The following SOX6 variants were observed in gnomAD, a reference collection of about 807,000 sequenced individuals.
The protein encoded by SOX6 is transcription factor SOX-6.
In SOX6, 11 loss-of-function variants were observed where a neutral mutation model predicts 97.8. That is an observed-to-expected ratio of 0.11 (90% CI 0.07 to 0.19). The LOEUF is 0.19. Among genes scored for constraint, SOX6 ranks in the 10% least tolerant of loss-of-function variants. The pLI is 1.00. For missense variants in SOX6, 810 were observed against 1,039.5 expected, an observed-to-expected ratio of 0.78 and a Z score of 3.04; for synonymous variants, 360 against 371.4, an observed-to-expected ratio of 0.97 and a Z score of 0.35.
intron 9 of SOX6, among the ~76,000 whole-genome samples, chr11:16,072,016 A>T (rs775010822): frequency 1.8e-4 from 28 of 152,178 alleles, no homozygotes; most frequent in Non-Finnish European, 3.5e-4. Context: ...CTGGCAACTC[A>T]AAAAGCCAGA....
intron 3 of SOX6, among the ~76,000 whole-genome samples, chr11:16,671,767 A>G (rs1335695594): frequency 6.6e-6 from 1 of 152,258 alleles, no homozygotes; most frequent in Non-Finnish European, 1.5e-5. Flanking sequence ...CTGGCTAGAG[A>G]GGCCAACAGT....
chr11:16,273,427 T>C (rs947889551), intron 3 of SOX6, among the ~76,000 whole-genome samples: 2 of 151,882 alleles, frequency 1.3e-5, no homozygotes, highest in Admixed American at 6.6e-5. Flanking sequence ...ATACAATAAA[T>C]CTGGTCAATG....
chr11:16,011,744 G>A (rs527762074), intron 13 of SOX6, among the ~76,000 whole-genome samples: 1 of 152,172 alleles, frequency 6.6e-6, no homozygotes, highest in Non-Finnish European at 1.5e-5. Context: ...AGGAGGATGG[G>A]TAGACATGGG....
chr11:16,393,605 T>C (rs942616537), intron 1 of SOX6, among the ~76,000 whole-genome samples: 1 of 152,046 alleles, frequency 6.6e-6, no homozygotes, highest in Non-Finnish European at 1.5e-5. Flanking sequence ...TTACTAAAAA[T>C]TATGCTATTT....
chr11:16,706,497 T>A (rs866350160), intron 3 of SOX6, among the ~76,000 whole-genome samples: 6,809 of 26,074 alleles, frequency 0.26, 2,501 homozygotes, highest in Non-Finnish European at 0.42. Context: ...TATATATATA[T>A]ATATATATAT....
chr11:16,687,991 G>A (rs1005938890), intron 3 of SOX6, among the ~76,000 whole-genome samples: 2 of 148,834 alleles, frequency 1.3e-5, no homozygotes, highest in African/African-American at 5.0e-5. Flanking sequence ...AATTTTTTTT[G>A]ACACAGGGTC....
At chr11:16,698,408 C>T (rs1279551624) in intron 3 of SOX6, among the ~76,000 whole-genome samples, 1 of 152,206 alleles carries the variant, frequency 6.6e-6, no homozygotes, top group East Asian at 1.9e-4. Flanking sequence ...CTGGATTAGG[C>T]TTTGACTTAA....
At chr11:16,406,063 G>A (rs1251850059) in intron 1 of SOX6, among the ~76,000 whole-genome samples, 1 of 151,936 alleles carries the variant, frequency 6.6e-6, no homozygotes, top group African/African-American at 2.4e-5. Context: ...GCCCCATAAG[G>A]CTACTACTAT....
intron 1 of SOX6, among the ~76,000 whole-genome samples, chr11:16,401,482 T>C (rs566947209): frequency 6.6e-6 from 1 of 151,722 alleles, no homozygotes; most frequent in South Asian, 2.1e-4. Context: ...AAGTTAGACA[T>C]GTTTTTTTAT....
chr11:16,040,597 C>T (rs1397749896), intron 12 of SOX6, among the ~76,000 whole-genome samples: 2 of 151,978 alleles, frequency 1.3e-5, no homozygotes, highest in Non-Finnish European at 2.9e-5. Flanking sequence ...GTATGAAGCA[C>T]ATATATCTAG....
At chr11:16,727,898 C>G (rs1163445880) in intron 2 of SOX6, among the ~76,000 whole-genome samples, 1 of 152,050 alleles carries the variant, frequency 6.6e-6, no homozygotes, top group Non-Finnish European at 1.5e-5. Context: ...AATTTAAACT[C>G]ATAGGTTCTT....
chr11:16,405,712 C>A (rs904273407), intron 1 of SOX6, among the ~76,000 whole-genome samples: 2 of 152,030 alleles, frequency 1.3e-5, no homozygotes, highest in African/African-American at 4.8e-5. Flanking sequence ...TTCATCCAAC[C>A]TTCCCCATCC....
rs181384258 is a variant in SOX6 at position 16,289,826 on chromosome 11, A to C, written c.445+28620T>G. 7.4e-4 allele frequency among the ~76,000 whole-genome samples: 112 copies of C among 152,104 alleles called. 1 individual carries two copies. Among genetic ancestry groups the C allele is most frequent in the Non-Finnish European group, 1.4e-3 (94 of 67,920 alleles). ...ATGGGCCTAAAGTCCACCTGAATAC[A>C]CTACAATGGCTACGTCACAAAGAAT... On this transcript the variant is annotated intron_variant, in intron 3 of 15. Transcript: ENST00000683767.
At chr11:16,706,474 ATATATAT>A (rs1848136631) in intron 3 of SOX6, among the ~76,000 whole-genome samples, 10 of 13,778 alleles carry the variant, frequency 7.3e-4, no homozygotes, top group African/African-American at 2.3e-3. Flanking sequence ...AAAAAAAAAT[ATATATAT>A]ATATATATAT....
intron 1 of SOX6, among the ~76,000 whole-genome samples, chr11:16,354,310 G>C (rs1857021956): frequency 6.6e-6 from 1 of 151,852 alleles, no homozygotes; most frequent in South Asian, 2.1e-4. Flanking sequence ...AAAATGGTTT[G>C]ACTCAAACAA....
At chr11:16,683,308 G>C (rs1328598420) in intron 3 of SOX6, among the ~76,000 whole-genome samples, 1 of 152,170 alleles carries the variant, frequency 6.6e-6, no homozygotes, top group Non-Finnish European at 1.5e-5. Context: ...CAATGCTGGA[G>C]GCATCATGCT....
In SOX6 at chr11:16,211,469, A is replaced by AG. The variant is rs201178989; in HGVS notation, c.535+23112_535+23113insC. The stretch of plus-strand genomic sequence containing the variant: ...TGAGGAGAGTTAAATTAAAAAAAAA[A>AG]ACTATTTACAAAAATATGGGGCAAG... On this transcript the variant is annotated intron_variant, in intron 4 of 15. Coordinates refer to ENST00000683767, the MANE Select transcript of SOX6 (RefSeq NM_001367873.1). Among the ~76,000 whole-genome samples, 495 of 151,448 alleles carry AG rather than the reference A, an allele frequency of 3.3e-3. 2 individuals carry two copies. The highest frequency in any genetic ancestry group is 5.5e-3 in the Non-Finnish European group (370 of 67,766).
At chr11:16,578,655 A>C (rs1471778742) in intron 4 of SOX6, among the ~76,000 whole-genome samples, 1 of 152,182 alleles carries the variant, frequency 6.6e-6, no homozygotes, top group Non-Finnish European at 1.5e-5. Context: ...TGCTTTAAAA[A>C]TTAGTTCCTC....
chr11:16,123,425 T>G (rs1849539862), intron 6 of SOX6, among the ~76,000 whole-genome samples: 1 of 151,938 alleles, frequency 6.6e-6, no homozygotes, highest in African/African-American at 2.4e-5. Flanking sequence ...TGTCCCTCCT[T>G]GGAAGTATCA....
Sources: gnomAD v4.1 joint callset for allele counts (sites outside exome capture counted in the v4.1 genomes callset) on GRCh38, gnomAD v4.1.1 for gene constraint, MANE v1.5 for transcripts, NCBI Gene and HGNC (gene_info 2026-07-23, HGNC 2026-07-21) for gene names.